Variants in KCNH8 observed in about 807,000 individuals in gnomAD.
KCNH8 encodes the protein potassium voltage-gated channel subfamily H member 8.
In KCNH8, 70 loss-of-function variants were observed where a neutral mutation model predicts 103.6. The observed-to-expected ratio is 0.68, with a 90% CI of 0.56 to 0.82. The LOEUF is 0.82. KCNH8 is among the 40% of genes least tolerant of loss of function. KCNH8 has a pLI of 0.00. For missense variants in KCNH8, 1,217 were observed against 1,329.9 expected (o/e 0.92, Z 1.32); for synonymous variants, 498 against 489.4 (o/e 1.02, Z -0.23).
intron 1 of KCNH8, among the ~76,000 whole-genome samples, chr3:19,172,399 A>G (rs999235843): frequency 8.6e-5 from 13 of 150,580 alleles, no homozygotes; most frequent in Admixed American, 4.6e-4. Flanking sequence ...AAAACACAGT[A>G]GATATAAAAA....
At chr3:19,484,863 C>T (rs917233197) in intron 11 of KCNH8, among the ~76,000 whole-genome samples, 2 of 151,968 alleles carry the variant, frequency 1.3e-5, no homozygotes, top group African/African-American at 2.4e-5. Context: ...ACCTAACTCT[C>T]GGGGAGTGCC....
intron 11 of KCNH8, among the ~76,000 whole-genome samples, chr3:19,477,069 T>C (rs539860483): frequency 6.6e-6 from 1 of 152,304 alleles, no homozygotes; most frequent in South Asian, 2.1e-4. Context: ...CTTCCTAGTG[T>C]TGTGCAAAGA....
intron 1 of KCNH8, among the ~76,000 whole-genome samples, chr3:19,167,593 T>C (rs1336870153): frequency 6.6e-6 from 1 of 152,218 alleles, no homozygotes; most frequent in Non-Finnish European, 1.5e-5. Flanking sequence ...CAATATCCTT[T>C]TATTAATGAA....
chr3:19,190,710 G>T (rs550420497), intron 1 of KCNH8, among the ~76,000 whole-genome samples: 1 of 151,916 alleles, frequency 6.6e-6, no homozygotes, highest in East Asian at 1.9e-4. Flanking sequence ...CAACAAGTGC[G>T]ATTGATAATG....
chr3:19,234,298 T>G (rs1420509369), intron 1 of KCNH8, among the ~76,000 whole-genome samples: 1 of 152,128 alleles, frequency 6.6e-6, no homozygotes, highest in Admixed American at 6.5e-5. Context: ...TCCTCAGGCC[T>G]TGGGTGGTCC....
chr3:19,485,030 A>G (rs1575124257), intron 11 of KCNH8, among the ~76,000 whole-genome samples: 1 of 152,288 alleles, frequency 6.6e-6, no homozygotes, highest in East Asian at 1.9e-4. Flanking sequence ...TTTTAAAACT[A>G]TTTTTGATAG....
chr3:19,519,179 A>C (rs900218168), intron 15 of KCNH8, among the ~76,000 whole-genome samples: 1 of 151,968 alleles, frequency 6.6e-6, no homozygotes, highest in African/African-American at 2.4e-5. Context: ...AATATGCAGC[A>C]AAACCTGTGC....
chr3:19,237,235 TTCAG>T (rs2064078156), intron 1 of KCNH8, among the ~76,000 whole-genome samples: 1 of 152,230 alleles, frequency 6.6e-6, no homozygotes, highest in Admixed American at 6.5e-5. Flanking sequence ...TCAGATATTA[TTCAG>T]TCAGTCTGTT....
rs1014821092 is a variant in KCNH8 at position 19,330,614 on chromosome 3, G to A, written c.443-11973G>A. Among the ~76,000 whole-genome samples the A allele has an allele frequency of 2.6e-5, 4 of 152,268 alleles. No homozygotes were observed. The South Asian group carries it at 8.3e-4, about 32-fold the overall frequency. ...GGGGCATTACAAACACAAGATTTGG[G>A]AAATACTATCAGGAAGTTAATGCAA... On this transcript the variant is annotated intron_variant, in intron 3 of 15. Coordinates refer to ENST00000328405, the MANE Select transcript of KCNH8 (RefSeq NM_144633.3).
At chr3:19,221,666 T>A (rs2063876056) in intron 1 of KCNH8, among the ~76,000 whole-genome samples, 1 of 152,190 alleles carries the variant, frequency 6.6e-6, no homozygotes, top group Non-Finnish European at 1.5e-5. Context: ...TTTAATTTGT[T>A]AAATTTTGAC....
At chr3:19,308,864 T>C (rs1330256542) in intron 3 of KCNH8, among the ~76,000 whole-genome samples, 2 of 150,732 alleles carry the variant, frequency 1.3e-5, no homozygotes, top group Non-Finnish European at 3.0e-5. Flanking sequence ...GCAAATTTTA[T>C]TTTCATTACC....
At chr3:19,159,042 T>C (rs2063208385) in intron 1 of KCNH8, among the ~76,000 whole-genome samples, 1 of 151,950 alleles carries the variant, frequency 6.6e-6, no homozygotes, top group Admixed American at 6.6e-5. Context: ...GTTTGAGAGG[T>C]AAATATTTTA....
At chr3:19,495,811 T>C (rs1341415163) in intron 11 of KCNH8, among the ~76,000 whole-genome samples, 1 of 152,192 alleles carries the variant, frequency 6.6e-6, no homozygotes, top group African/African-American at 2.4e-5. Flanking sequence ...TTTAATGACA[T>C]TGATTCTTCC....
intron 1 of KCNH8, among the ~76,000 whole-genome samples, chr3:19,221,624 G>A (rs1035788760): frequency 2.0e-5 from 3 of 151,660 alleles, no homozygotes; most frequent in Non-Finnish European, 2.9e-5. Flanking sequence ...TCCAAAACAC[G>A]GATTGTCCCT....
At chr3:19,149,966 G>T (rs1387084640) in intron 1 of KCNH8, among the ~76,000 whole-genome samples, 1 of 152,136 alleles carries the variant, frequency 6.6e-6, no homozygotes, top group Admixed American at 6.5e-5. Flanking sequence ...ATGCTTCAGG[G>T]ATAGTTGGAA....
intron 7 of KCNH8, among the ~76,000 whole-genome samples, chr3:19,412,148 T>G (rs1278140366): frequency 6.6e-6 from 1 of 151,944 alleles, no homozygotes; most frequent in African/African-American, 2.4e-5. Flanking sequence ...AAGCATACTA[T>G]AAGGCTACCA....
rs139417359 is a variant in KCNH8 at position 19,367,614 on chromosome 3, A to G, written c.811+19649A>G. On this transcript the variant is annotated intron_variant, in intron 5 of 15. Coordinates refer to ENST00000328405, the MANE Select transcript of KCNH8 (RefSeq NM_144633.3). ...TTCCATCATATAATGCATATGTAGC[A>G]CTAAACATATGTCTCCTTACCAGCA... Among the ~76,000 whole-genome samples, 965 of 151,860 alleles carry G rather than the reference A, an allele frequency of 6.4e-3. 5 individuals carry two copies. Among genetic ancestry groups the G allele is most frequent in the African/African-American group, 0.022 (897 of 41,472 alleles).
intron 3 of KCNH8, among the ~76,000 whole-genome samples, chr3:19,283,306 C>T (rs1192282998): frequency 6.6e-6 from 1 of 151,974 alleles, no homozygotes; most frequent in Non-Finnish European, 1.5e-5. Flanking sequence ...ATTTGTATTC[C>T]AATACATGTA....
intron 15 of KCNH8, among the ~76,000 whole-genome samples, chr3:19,521,753 C>T (rs1001861002): frequency 1.3e-5 from 2 of 151,888 alleles, no homozygotes; most frequent in African/African-American, 4.8e-5. Context: ...CTTATCTTAA[C>T]TAGTTTGATT....
Sources: gnomAD v4.1 joint callset for allele counts (sites outside exome capture counted in the v4.1 genomes callset) on GRCh38, gnomAD v4.1.1 for gene constraint, MANE v1.5 for transcripts, NCBI Gene and HGNC (gene_info 2026-07-23, HGNC 2026-07-21) for gene names.